The following CSMD1 variants were observed in gnomAD, a reference collection of about 807,000 sequenced individuals.
CSMD1 encodes the protein CUB and sushi domain-containing protein 1.
A neutral mutation model predicts 417.5 loss-of-function variants in CSMD1; 213 were observed. The ratio of observed to expected loss-of-function variants is 0.51; its 90% confidence interval spans 0.46 to 0.57. The LOEUF is 0.57. CSMD1 is among the 20% of genes least tolerant of loss of function. CSMD1 has a pLI of 0.00. For synonymous variants in CSMD1, 2,862 were observed against 1,736.8 expected, an observed-to-expected ratio of 1.65 and a Z score of -16.11; for missense variants, 6,923 against 4,529.7, an observed-to-expected ratio of 1.53 and a Z score of -15.17.
intron 5 of CSMD1, among the ~76,000 whole-genome samples, chr8:3,957,078 G>A (rs962478698): frequency 6.6e-6 from 1 of 152,074 alleles, no homozygotes; most frequent in Non-Finnish European, 1.5e-5. Flanking sequence ...GCCGGGGGAG[G>A]CTCTGTATAT....
chr8:3,045,477 T>G (rs939062175), intron 50 of CSMD1, among the ~76,000 whole-genome samples: 1 of 152,190 alleles, frequency 6.6e-6, no homozygotes, highest in Non-Finnish European at 1.5e-5. Context: ...GATTGATACA[T>G]TTACCTGTGA....
At chr8:3,459,307 C>G (rs1052915700) in intron 12 of CSMD1, among the ~76,000 whole-genome samples, 1 of 152,154 alleles carries the variant, frequency 6.6e-6, no homozygotes, top group African/African-American at 2.4e-5. Flanking sequence ...CGGTGTGTCC[C>G]TCACCCTGCT....
intron 5 of CSMD1, among the ~76,000 whole-genome samples, chr8:3,884,833 G>T (rs17067857): frequency 7.9e-5 from 12 of 151,244 alleles, no homozygotes; most frequent in African/African-American, 1.2e-4. Context: ...CTACTTCGTC[G>T]TCAGTCTGTG....
intron 1 of CSMD1, among the ~76,000 whole-genome samples, chr8:4,954,878 G>A (rs375276688): frequency 1.3e-5 from 2 of 152,092 alleles, no homozygotes; most frequent in Non-Finnish European, 2.9e-5. Flanking sequence ...ATAACTTCAG[G>A]AATTCAGAGT....
intron 60 of CSMD1, 102 bp from the exon 61 acceptor site, chr8:2,962,741 A>G (rs1803608485): frequency 1.6e-6 from 2 of 1,244,702 alleles, no homozygotes; most frequent in Non-Finnish European, 2.2e-6. Context: ...AGCTTTAACT[A>G]TTAAACAAGA....
intron 8 of CSMD1, among the ~76,000 whole-genome samples, chr8:3,599,614 A>G (rs975731369): frequency 6.6e-6 from 1 of 152,214 alleles, no homozygotes; most frequent in African/African-American, 2.4e-5. Flanking sequence ...TAACCACTTC[A>G]TGCTATACAT....
intron 12 of CSMD1, among the ~76,000 whole-genome samples, chr8:3,460,666 T>G (rs1319971988): frequency 6.6e-6 from 1 of 152,026 alleles, no homozygotes; most frequent in Non-Finnish European, 1.5e-5. Context: ...TGACCGAAAT[T>G]CGTGGAGAAA....
chr8:4,610,332 G>A (rs1801104905), intron 2 of CSMD1, among the ~76,000 whole-genome samples: 1 of 152,114 alleles, frequency 6.6e-6, no homozygotes, highest in Admixed American at 6.5e-5. Flanking sequence ...AACATATCAA[G>A]CACTATTGTA....
intron 7 of CSMD1, among the ~76,000 whole-genome samples, chr8:3,647,776 GAGAA>G (rs1283349106): frequency 3.3e-5 from 5 of 152,228 alleles, no homozygotes; most frequent in African/African-American, 1.2e-4. Flanking sequence ...GAAAGAGTGA[GAGAA>G]AGAGAGAGAG....
At chr8:4,241,601 T>C (rs1476181760) in intron 3 of CSMD1, among the ~76,000 whole-genome samples, 1 of 152,166 alleles carries the variant, frequency 6.6e-6, no homozygotes, top group Non-Finnish European at 1.5e-5. Context: ...GGAACACAAG[T>C]TTAGAGGATT....
rs4469479 is a variant in CSMD1, at chr8:4,977,926, C to G, written c.85+16406G>C. ...CACACATTCGAAGGTGTCCAATACC[C>G]AAGACCTCACAAGCTATTTGTTGCT... is the stretch of plus-strand genomic sequence containing the variant. On this transcript the variant is annotated intron_variant, in intron 1 of 69. Transcript: ENST00000635120. Among the ~76,000 whole-genome samples, 459 of 152,294 alleles carry G rather than the reference C, an allele frequency of 3.0e-3. 10 individuals carry two copies. The East Asian group carries it at 0.076, about 25-fold the overall frequency.
At chr8:3,587,718 C>A (rs1286906670) in intron 8 of CSMD1, among the ~76,000 whole-genome samples, 2 of 152,116 alleles carry the variant, frequency 1.3e-5, no homozygotes, top group African/African-American at 4.8e-5. Flanking sequence ...AAACACATTT[C>A]TTTTCTAAAG....
At chr8:3,709,264 C>T (rs1310561628) in intron 6 of CSMD1, among the ~76,000 whole-genome samples, 2 of 151,574 alleles carry the variant, frequency 1.3e-5, no homozygotes, top group African/African-American at 2.4e-5. Flanking sequence ...TTACTAAGTG[C>T]CCAGTGGAAA....
At chr8:3,714,809 T>C (rs965130801) in intron 6 of CSMD1, among the ~76,000 whole-genome samples, 2 of 152,096 alleles carry the variant, frequency 1.3e-5, no homozygotes, top group Non-Finnish European at 2.9e-5. Context: ...TTGTCTAGTT[T>C]ATGATTGCAA....
intron 2 of CSMD1, among the ~76,000 whole-genome samples, chr8:4,509,573 G>C (rs1345733826): frequency 6.6e-6 from 1 of 152,180 alleles, no homozygotes; most frequent in African/African-American, 2.4e-5. Context: ...AGGAAAGCCA[G>C]TCCTGCAGAG....
At chr8:4,586,370 A>T (rs1402526314) in intron 2 of CSMD1, among the ~76,000 whole-genome samples, 2 of 152,156 alleles carry the variant, frequency 1.3e-5, no homozygotes, top group African/African-American at 2.4e-5. Context: ...CAGAGTGTTG[A>T]TTTTAAAGGT....
At chr8:3,182,677 G>C (rs1821432278) in intron 36 of CSMD1, among the ~76,000 whole-genome samples, 2 of 118,216 alleles carry the variant, frequency 1.7e-5, no homozygotes, top group Non-Finnish European at 3.8e-5. Context: ...ATAAGAAGCT[G>C]TGTGTGTGTG....
At chr8:3,902,856 T>C (rs188044340) in intron 5 of CSMD1, among the ~76,000 whole-genome samples, 1 of 145,910 alleles carries the variant, frequency 6.9e-6, no homozygotes, top group Non-Finnish European at 1.5e-5. Flanking sequence ...GAATAAATAG[T>C]AGCTACATCC....
At chr8:3,100,742 T>C (rs1815676936) in intron 46 of CSMD1, among the ~76,000 whole-genome samples, 1 of 152,222 alleles carries the variant, frequency 6.6e-6, no homozygotes, top group African/African-American at 2.4e-5. Flanking sequence ...ACGCATCTCA[T>C]AGGCCTTCAG....
Sources: allele counts gnomAD v4.1 joint callset (sites outside exome capture counted in the v4.1 genomes callset), GRCh38; gene constraint gnomAD v4.1.1; transcripts MANE v1.5; gene names NCBI Gene and HGNC (gene_info 2026-07-23, HGNC 2026-07-21).